The following PLXDC2 variants were observed in gnomAD, a reference collection of about 807,000 sequenced individuals.
PLXDC2 encodes the protein plexin domain containing 2.
Under a neutral mutation model 68.9 loss-of-function variants are expected in PLXDC2, and 40 were observed. That is an observed-to-expected ratio of 0.58 (90% confidence interval 0.45 to 0.76). The LOEUF (loss-of-function observed/expected upper bound fraction) is 0.76. Among genes scored for constraint, PLXDC2 ranks in the 30% least tolerant of loss-of-function variants. PLXDC2 has a pLI of 0.00. For synonymous variants in PLXDC2, 243 were observed against 234.2 expected (o/e 1.04, Z -0.34); for missense variants, 644 against 661.9 (o/e 0.97, Z 0.30).
intron 2 of PLXDC2, among the ~76,000 whole-genome samples, chr10:20,017,558 A>G (rs1017661153): frequency 3.9e-5 from 6 of 152,104 alleles, no homozygotes; most frequent in Non-Finnish European, 2.9e-5. Context: ...TCTATTAACC[A>G]CTATTTTGGA....
chr10:19,979,048 C>T (rs892858909), intron 1 of PLXDC2, among the ~76,000 whole-genome samples: 2 of 152,166 alleles, frequency 1.3e-5, no homozygotes, highest in African/African-American at 4.8e-5. Flanking sequence ...GATAAAAGAT[C>T]TCCAGGTTGA....
intron 4 of PLXDC2, among the ~76,000 whole-genome samples, chr10:20,091,194 G>C (rs1833271697): frequency 6.6e-6 from 1 of 152,100 alleles, no homozygotes; most frequent in African/African-American, 2.4e-5. Flanking sequence ...GGTTCAACGG[G>C]CCTTGAAGGC....
chr10:20,168,529 AT>A (rs1834404344), intron 7 of PLXDC2, among the ~76,000 whole-genome samples: 1 of 152,098 alleles, frequency 6.6e-6, no homozygotes, highest in Non-Finnish European at 1.5e-5. Flanking sequence ...GACTATGTTG[AT>A]GTGTGTTGTT....
chr10:20,251,978 A>G (rs545417787), intron 13 of PLXDC2, among the ~76,000 whole-genome samples: 184 of 152,262 alleles, frequency 1.2e-3, no homozygotes, highest in Non-Finnish European at 2.4e-3. Flanking sequence ...AGAGTACCTA[A>G]TCCTGCCATT....
intron 9 of PLXDC2, among the ~76,000 whole-genome samples, chr10:20,191,847 GC>G (rs1335572190): frequency 6.6e-6 from 1 of 151,930 alleles, no homozygotes; most frequent in East Asian, 1.9e-4. Context: ...AATCACAGGG[GC>G]TTTGTAAGAA....
At chr10:19,847,585 C>T (rs1339982703) in intron 1 of PLXDC2, among the ~76,000 whole-genome samples, 2 of 152,178 alleles carry the variant, frequency 1.3e-5, no homozygotes, top group East Asian at 3.9e-4. Flanking sequence ...CAAACTGAAC[C>T]TTAACAAGCC....
intron 1 of PLXDC2, among the ~76,000 whole-genome samples, chr10:19,903,916 T>G (rs1365699494): frequency 6.6e-6 from 1 of 152,146 alleles, no homozygotes; most frequent in African/African-American, 2.4e-5. Context: ...TTTTTTTAAT[T>G]TTTGTCTTAA....
At chr10:20,253,919 C>A (rs1835710395) in intron 13 of PLXDC2, among the ~76,000 whole-genome samples, 1 of 152,114 alleles carries the variant, frequency 6.6e-6, no homozygotes, top group African/African-American at 2.4e-5. Context: ...AAGTTTAAAC[C>A]AGCAGAGATA....
At position 20,000,567 on chromosome 10, in the gene PLXDC2, G is replaced by A. The variant is rs567165723; in HGVS notation, c.113-1208G>A. Among the ~76,000 whole-genome samples, 11 of 151,884 alleles carry A rather than the reference G, an allele frequency of 7.2e-5. No homozygotes were observed. The South Asian group carries it at 2.3e-3, about 32-fold the overall frequency. On this transcript the variant is annotated intron_variant, in intron 1 of 13. Transcript: ENST00000377252. ...TGACATCAGACAATCAGAGATCTTTGGTTTACTGTGAAACCAAATAATATC... is the reference window on the plus strand; with the variant it reads ...TGACATCAGACAATCAGAGATCTTTAGTTTACTGTGAAACCAAATAATATC...
At chr10:20,239,460 G>A (rs1010354683) in intron 12 of PLXDC2, among the ~76,000 whole-genome samples, 3 of 152,148 alleles carry the variant, frequency 2.0e-5, no homozygotes, top group Non-Finnish European at 2.9e-5. Context: ...GGCAGAAGGC[G>A]AAGGAAAAGC....
chr10:20,172,242 A>AG (rs1349752338), intron 7 of PLXDC2, among the ~76,000 whole-genome samples: 2 of 151,046 alleles, frequency 1.3e-5, no homozygotes, highest in African/African-American at 4.9e-5. Flanking sequence ...AAAAAAAAAA[A>AG]AAAAAAAGAG....
intron 4 of PLXDC2, among the ~76,000 whole-genome samples, chr10:20,092,368 A>G (rs1833291554): frequency 2.0e-5 from 3 of 152,178 alleles, no homozygotes; most frequent in Admixed American, 2.0e-4. Flanking sequence ...TCAAACTAAG[A>G]TTCCACTTTG....
At position 19,982,115 on chromosome 10, in the gene PLXDC2, T is replaced by C. The variant is rs1285925427; in HGVS notation, c.113-19660T>C. ...CTGCAATTCCACATTTTGGTACAAA[T>C]GACAAGAAACTTTCCCCAAAGAGTA... On this transcript the variant is annotated intron_variant, in intron 1 of 13. Transcript: ENST00000377252. Among the ~76,000 whole-genome samples, 8 of 152,354 alleles carry C rather than the reference T, an allele frequency of 5.3e-5. No homozygotes were observed. The East Asian group carries it at 9.6e-4, about 18-fold the overall frequency.
intron 1 of PLXDC2, among the ~76,000 whole-genome samples, chr10:19,926,396 T>A (rs1280552255): frequency 6.8e-6 from 1 of 146,762 alleles, no homozygotes; most frequent in Non-Finnish European, 1.6e-5. Context: ...AGTATTGCAG[T>A]ATTATATTGT....
At chr10:19,918,790 C>T (rs779806890) in intron 1 of PLXDC2, among the ~76,000 whole-genome samples, 9 of 152,176 alleles carry the variant, frequency 5.9e-5, no homozygotes, top group Non-Finnish European at 1.2e-4. Flanking sequence ...AATAAACTTT[C>T]TTAAAAGGAC....
intron 12 of PLXDC2, among the ~76,000 whole-genome samples, chr10:20,223,827 G>A (rs1835250517): frequency 6.6e-6 from 1 of 152,146 alleles, no homozygotes; most frequent in African/African-American, 2.4e-5. Flanking sequence ...AGTGTTGTCA[G>A]AATCCTTGTC....
chr10:20,217,595 G>GGT lies in PLXDC2; in HGVS notation c.1273+19_1273+20insGT. 1 of 262,568 alleles carries GGT rather than the reference G, an allele frequency of 3.8e-6. No individual in the cohort carries two copies. 16.3% of individuals were successfully genotyped at this position (262,568 alleles called of 1,614,324 possible). On this transcript the variant is annotated intron_variant, in intron 11 of 13. Coordinates refer to ENST00000377252, the MANE Select transcript of PLXDC2 (RefSeq NM_032812.9). ...ACAGAAGGTACCCAAGAGATAGTTT[G>GGT]CTTTTTTTTTTTTTTTTTTTTTTTT...
chr10:20,091,361 A>G (rs1833273903), intron 4 of PLXDC2, among the ~76,000 whole-genome samples: 1 of 152,210 alleles, frequency 6.6e-6, no homozygotes, highest in Non-Finnish European at 1.5e-5. Flanking sequence ...AACAATGACC[A>G]AGTCTTGAAC....
chr10:19,970,739 T>C (rs182647326), intron 1 of PLXDC2, among the ~76,000 whole-genome samples: 2 of 152,332 alleles, frequency 1.3e-5, no homozygotes, highest in African/African-American at 4.8e-5. Context: ...TATACTGCCA[T>C]GGTTCAGGAA....
Sources: allele counts gnomAD v4.1 joint callset (sites outside exome capture counted in the v4.1 genomes callset), GRCh38; gene constraint gnomAD v4.1.1; transcripts MANE v1.5; gene names NCBI Gene and HGNC (gene_info 2026-07-23, HGNC 2026-07-21).